The following CCDC82 variants were observed in gnomAD, a reference collection of about 807,000 sequenced individuals.
CCDC82 encodes the protein coiled-coil domain containing 82, also known as coiled-coil domain-containing protein 82.
CCDC82 carries 47 observed loss-of-function variants against 60.6 expected under a neutral mutation model. The observed-to-expected ratio is 0.77, with a 90% CI of 0.61 to 0.99. The LOEUF (loss-of-function observed/expected upper bound fraction) is 0.99, where lower values mean the gene tolerates loss of function less well. Ranked by LOEUF, CCDC82 falls within the 50% of genes least tolerant of loss-of-function variation. The pLI, the probability that CCDC82 is intolerant of heterozygous loss-of-function variation, is 0.00. For missense variants in CCDC82, 588 were observed against 633.0 expected, an observed-to-expected ratio of 0.93 and a Z score of 0.76; for synonymous variants, 212 against 207.4, an observed-to-expected ratio of 1.02 and a Z score of -0.19.
intron 5 of CCDC82, among the ~76,000 whole-genome samples, chr11:96,374,666 A>C (rs554190291): frequency 1.3e-5 from 2 of 152,204 alleles, no homozygotes; most frequent in South Asian, 4.1e-4. Flanking sequence ...ACACAGGTAA[A>C]CTCATGTCAT....
At chr11:96,383,780 G>A (rs1196383838) in intron 4 of CCDC82, among the ~76,000 whole-genome samples, 182 bp downstream of exon 4, 1 of 151,768 alleles carries the variant, frequency 6.6e-6, no homozygotes, top group Non-Finnish European at 1.5e-5. Context: ...ATGGACTGAG[G>A]CTCATGATAA....
chr11:96,383,261 G>C lies in CCDC82; in HGVS notation c.991+8C>G. Reference sequence around the variant, plus strand: ...ATTCATGAAACATTTTCTTAATATTGAACTTACAAAGAGAATTCTGTTTTA... The same window carrying C: ...ATTCATGAAACATTTTCTTAATATTCAACTTACAAAGAGAATTCTGTTTTA... On this transcript the variant is annotated splice_region_variant and intron_variant, in intron 5 of 9. Transcript: ENST00000646818. 7.1e-7 allele frequency: 1 copy of C among 1,404,486 alleles called. No individual in the cohort carries two copies. Among genetic ancestry groups the C allele is most frequent in the Non-Finnish European group, 1.0e-6 (1 of 990,980 alleles). 87.0% of individuals were successfully genotyped at this position (1,404,486 alleles called of 1,614,324 possible). A position where few individuals can be genotyped will look rare whatever the true frequency, so the allele number is the denominator to read the frequency against.
intron 6 of CCDC82, among the ~76,000 whole-genome samples, chr11:96,373,033 TG>T (rs773957643): frequency 6.6e-6 from 1 of 152,112 alleles, no homozygotes; most frequent in African/African-American, 2.4e-5. Context: ...GAAAACAGCA[TG>T]GAACTTTTAA....
chr11:96,371,120 AT>A lies in CCDC82; in HGVS notation c.1101del (p.Lys367AsnfsTer8). ...GATGTTAGCATATCTTTTGCATATG[AT>A]TTTTGCCTTGTGCCATCTGTTCAGG... ...LGTLYDGTRQ[K>X]SYAKDMLTSL... On this transcript the variant is annotated frameshift_variant, in exon 7 of 10. Coordinates refer to ENST00000646818, the MANE Select transcript of CCDC82 (RefSeq NM_024725.4). LOFTEE classifies it high-confidence loss of function. 6.3e-7 allele frequency: 1 copy of A among 1,593,670 alleles called. No homozygotes were observed. Among genetic ancestry groups the A allele is most frequent in the South Asian group, 1.2e-5 (1 of 85,752 alleles).
chr11:96,359,002 C>A lies in CCDC82; in HGVS notation c.1557G>T (p.Trp519Cys). 1 of 1,608,232 alleles carries A rather than the reference C, an allele frequency of 6.2e-7. No homozygotes were observed. Among genetic ancestry groups the A allele is most frequent in the Non-Finnish European group, 8.5e-7 (1 of 1,178,266 alleles). Residue 519 changes from tryptophan (W) to cysteine (C), a missense_variant, in exon 9 of 10, where the codon TGG (tryptophan) becomes TGT (cysteine). Physicochemically the swap from Trp to Cys is radical, Grantham distance 215. Transcript: ENST00000646818. ...CATATATTCACCTTACCTCCTTAAT[C>A]CAGCCATTTTCTTTTGACCGCCTGA... ...RIFRRSKENG[W>C]IKEKYGQLEE...
intron 9 of CCDC82, chr11:96,358,727 G>A (rs879085199): frequency 1.0e-5 from 11 of 1,055,622 alleles, no homozygotes; most frequent in South Asian, 2.8e-5. Flanking sequence ...ACATAAAAGC[G>A]AAAGGACAGA....
chr11:96,385,865 A>C (rs1866162474), intron 3 of CCDC82: 1 of 152,086 alleles, frequency 6.6e-6, no homozygotes, highest in South Asian at 2.1e-4. Context: ...ATGACAATGT[A>C]ATGAGACCGA....
At chr11:96,367,535 CTT>C (rs776289844) in intron 7 of CCDC82, among the ~76,000 whole-genome samples, 7 of 152,318 alleles carry the variant, frequency 4.6e-5, no homozygotes, top group Non-Finnish European at 8.8e-5. Context: ...CCAGTCACAT[CTT>C]TAAGTTTCAC....
intron 9 of CCDC82, 169 bp from the exon 10 acceptor site, chr11:96,353,883 A>G (rs1183045307): frequency 6.2e-6 from 3 of 484,428 alleles, no homozygotes; most frequent in Non-Finnish European, 1.1e-5. Flanking sequence ...CCTAACTCAT[A>G]TATAACTCAT....
intron 8 of CCDC82, among the ~76,000 whole-genome samples, chr11:96,362,629 C>T (rs761429884): frequency 6.6e-5 from 10 of 152,118 alleles, no homozygotes; most frequent in Non-Finnish European, 1.0e-4. Context: ...ATTTCCTTCT[C>T]ATCTATGTCC....
rs1403135776 is a variant in CCDC82, at chr11:96,377,376, A to ACACG, written c.992-3910_992-3909insCGTG. Among the ~76,000 whole-genome samples, 93 of 144,140 alleles carry ACACG rather than the reference A, an allele frequency of 6.5e-4. 1 individual carries two copies. The highest frequency in any genetic ancestry group is 2.3e-3 in the African/African-American group (92 of 40,848). 94.6% of individuals were successfully genotyped at this position (144,140 alleles called of 152,430 possible). Reference sequence around the variant, plus strand: ...ACATAATACACACACACACACACACACATATTATGTTCAAATAATGTCTTT... The same window carrying ACACG: ...ACATAATACACACACACACACACACACACGCATATTATGTTCAAATAATGTCTTT... On this transcript the variant is annotated intron_variant, in intron 5 of 9. Transcript: ENST00000646818.
chr11:96,383,620 C>A (rs1048387441), intron 4 of CCDC82, 147 bp from the exon 5 acceptor site: 2 of 567,964 alleles, frequency 3.5e-6, no homozygotes, highest in Non-Finnish European at 2.9e-6. Flanking sequence ...ATAATTTTGT[C>A]ATATTAAATG....
At chr11:96,371,434 T>A (rs1331532894) in intron 6 of CCDC82, among the ~76,000 whole-genome samples, 2 of 152,048 alleles carry the variant, frequency 1.3e-5, no homozygotes. Flanking sequence ...TACAAAAAAT[T>A]AGCCAGGCGT....
At chr11:96,385,361 TG>T (rs1225862336) in intron 3 of CCDC82, 1 of 152,154 alleles carries the variant, frequency 6.6e-6, no homozygotes, top group Non-Finnish European at 1.5e-5. Context: ...AGTTTTATGC[TG>T]GAAAAAAGGA....
chr11:96,383,265 T>C lies in CCDC82; in HGVS notation c.991+4A>G. The C allele has an allele frequency of 5.5e-6, 8 of 1,460,198 alleles. No homozygotes were observed. Among genetic ancestry groups the C allele is most frequent in the Non-Finnish European group, 5.8e-6 (6 of 1,041,442 alleles). The allele number at this position is 1,460,198 out of a possible 1,614,324, so 90.5% of individuals were successfully genotyped here. A position where few individuals can be genotyped will look rare whatever the true frequency, so the allele number is the denominator to read the frequency against. On this transcript the variant is annotated splice_donor_region_variant and intron_variant, in intron 5 of 9. Coordinates refer to ENST00000646818, the MANE Select transcript of CCDC82 (RefSeq NM_024725.4). ...ATGAAACATTTTCTTAATATTGAAC[T>C]TACAAAGAGAATTCTGTTTTACTAA... is the stretch of plus-strand genomic sequence containing the variant.
At chr11:96,383,155 T>C (rs1438391287) in intron 5 of CCDC82, 114 bp downstream of exon 5, 3 of 691,848 alleles carry the variant, frequency 4.3e-6, no homozygotes, top group Non-Finnish European at 7.6e-6. Flanking sequence ...TATCTGAAAA[T>C]GAAACCACAG....
intron 5 of CCDC82, among the ~76,000 whole-genome samples, chr11:96,377,747 G>A (rs569508595): frequency 5.3e-5 from 8 of 152,110 alleles, no homozygotes; most frequent in Non-Finnish European, 1.0e-4. Flanking sequence ...TAAAAAGAAT[G>A]ATTAGGGATC....
chr11:96,360,118 TAATA>T (rs1351364532), intron 8 of CCDC82, among the ~76,000 whole-genome samples: 2 of 147,258 alleles, frequency 1.4e-5, no homozygotes, highest in Non-Finnish European at 3.0e-5. Context: ...TATATATATT[TAATA>T]TATATTAATA....
chr11:96,357,977 G>A, intron 9 of CCDC82: 1 of 985,416 alleles, frequency 1.0e-6, no homozygotes, highest in Non-Finnish European at 1.2e-6. Flanking sequence ...TTTGTGGTGG[G>A]AGAAAAATTG....
Sources: gnomAD v4.1 joint callset for allele counts (sites outside exome capture counted in the v4.1 genomes callset) on GRCh38, gnomAD v4.1.1 for gene constraint, MANE v1.5 for transcripts, NCBI Gene and HGNC (gene_info 2026-07-23, HGNC 2026-07-21) for gene names.